Variants in PPFIA2 observed in about 807,000 individuals in gnomAD.
PPFIA2 encodes the protein PPFI scaffold protein A2.
In PPFIA2, 46 loss-of-function variants were observed where a neutral mutation model predicts 175.5. The ratio of observed to expected loss-of-function variants is 0.26; its 90% CI spans 0.21 to 0.34. The LOEUF is 0.34. Ranked by LOEUF, PPFIA2 falls within the 10% of genes least tolerant of loss-of-function variation. The pLI is 1.00. For synonymous variants in PPFIA2, 568 were observed against 511.4 expected (o/e 1.11, Z -1.49); for missense variants, 1,179 against 1,506.1 (o/e 0.78, Z 3.60).
intron 7 of PPFIA2, chr12:81,431,542 T>A (rs1287968685): frequency 6.6e-6 from 1 of 152,208 alleles, no homozygotes; most frequent in South Asian, 2.1e-4. Context: ...TATATTTATT[T>A]ACAATATTTT....
chr12:81,497,937 A>G (rs1237561990), intron 4 of PPFIA2, among the ~76,000 whole-genome samples: 1 of 152,044 alleles, frequency 6.6e-6, no homozygotes, highest in Admixed American at 6.6e-5. Context: ...TTCCTTTTCC[A>G]TAATTTTTCC....
intron 21 of PPFIA2, among the ~76,000 whole-genome samples, chr12:81,327,428 T>C (rs1203881502): frequency 2.0e-5 from 3 of 152,122 alleles, no homozygotes; most frequent in African/African-American, 7.2e-5. Flanking sequence ...GTACAGTGAG[T>C]GCATATTTTC....
chr12:81,384,747 G>GAA lies in PPFIA2; in HGVS notation c.763-504_763-503insTT, dbSNP rs767390572. On this transcript the variant is annotated intron_variant, in intron 8 of 32. Coordinates refer to ENST00000549396, the MANE Select transcript of PPFIA2 (RefSeq NM_003625.5). ...AACTTACCAAATATTTTTTATCAAAGATTATTCCTGCTGTGAATCTGACCT... is the reference window on the plus strand; with the variant it reads ...AACTTACCAAATATTTTTTATCAAAGAAATTATTCCTGCTGTGAATCTGACCT... Among the ~76,000 whole-genome samples, 18 of 152,138 alleles carry GAA rather than the reference G, an allele frequency of 1.2e-4. No homozygotes were observed. In the South Asian group the frequency reaches 1.7e-3, roughly 14 times the overall value.
At chr12:81,729,271 G>A (rs997646072) in intron 3 of PPFIA2, among the ~76,000 whole-genome samples, 6 of 151,402 alleles carry the variant, frequency 4.0e-5, no homozygotes, top group African/African-American at 1.2e-4. Flanking sequence ...TTAGCACTTA[G>A]AAGGCACACT....
At chr12:81,306,320 C>A (rs2049139225) in intron 22 of PPFIA2, among the ~76,000 whole-genome samples, 1 of 152,030 alleles carries the variant, frequency 6.6e-6, no homozygotes, top group Non-Finnish European at 1.5e-5. Context: ...TTTGCCTGTC[C>A]TTTTGGGCTG....
intron 4 of PPFIA2, among the ~76,000 whole-genome samples, chr12:81,464,794 A>C (rs1163295588): frequency 6.6e-6 from 1 of 151,580 alleles, no homozygotes; most frequent in African/African-American, 2.4e-5. Flanking sequence ...CGGGCTACCC[A>C]TTCTCAGACA....
At chr12:81,395,374 G>A (rs2040929352) in intron 8 of PPFIA2, among the ~76,000 whole-genome samples, 2 of 151,866 alleles carry the variant, frequency 1.3e-5, no homozygotes, top group South Asian at 2.1e-4. Context: ...TACAATAGAG[G>A]CAATAACTTC....
intron 4 of PPFIA2, among the ~76,000 whole-genome samples, chr12:81,619,897 C>T (rs1030982862): frequency 3.9e-5 from 6 of 152,084 alleles, no homozygotes; most frequent in African/African-American, 7.2e-5. Flanking sequence ...CGGTGGCTCA[C>T]GCCTGTAATC....
At chr12:81,662,020 T>C (rs1018633593) in intron 4 of PPFIA2, among the ~76,000 whole-genome samples, 6 of 151,894 alleles carry the variant, frequency 4.0e-5, no homozygotes, top group African/African-American at 9.7e-5. Context: ...AGACACAACA[T>C]ACCAGAATCT....
At chr12:81,463,833 T>C (rs1566937251) in intron 4 of PPFIA2, among the ~76,000 whole-genome samples, 1 of 152,130 alleles carries the variant, frequency 6.6e-6, no homozygotes, top group Non-Finnish European at 1.5e-5. Context: ...TGTAAAGCAA[T>C]AGTTTCTTTA....
rs188809050 is a variant in PPFIA2, at chr12:81,328,444, A to C, written c.2549-2574T>G. The stretch of plus-strand genomic sequence containing the variant: ...GGTAGAAAAATACATGTAATTCATA[A>C]ATTTTAAGTGATCATGTGTTAAAAT... On this transcript the variant is annotated intron_variant, in intron 21 of 32. Transcript: ENST00000549396. Among the ~76,000 whole-genome samples, 175 of 152,338 alleles carry C rather than the reference A, an allele frequency of 1.1e-3. 1 individual carries two copies. Among genetic ancestry groups the C allele is most frequent in the South Asian group, 2.3e-3 (11 of 4,826 alleles).
chr12:81,491,833 G>C (rs974462910), intron 4 of PPFIA2, among the ~76,000 whole-genome samples: 1 of 151,950 alleles, frequency 6.6e-6, no homozygotes, highest in African/African-American at 2.4e-5. Flanking sequence ...AAACCAAAAT[G>C]TCTAATACTT....
chr12:81,628,518 T>C (rs7311492), intron 4 of PPFIA2, among the ~76,000 whole-genome samples: 9,494 of 151,698 alleles, frequency 0.063, 406 homozygotes, highest in East Asian at 0.25. Context: ...CTGGGACTAC[T>C]GGCATGCACC....
chr12:81,363,373 C>G (rs1198968585), intron 14 of PPFIA2, among the ~76,000 whole-genome samples: 1 of 151,320 alleles, frequency 6.6e-6, no homozygotes, highest in Non-Finnish European at 1.5e-5. Flanking sequence ...AGTTAATAAC[C>G]AATTAGCTTG....
chr12:81,658,336 TTAAAG>T (rs1196430351), intron 4 of PPFIA2, among the ~76,000 whole-genome samples: 3 of 151,726 alleles, frequency 2.0e-5, no homozygotes, highest in African/African-American at 7.3e-5. Context: ...GTGCAAAAAT[TTAAAG>T]TAAAGGGTCA....
At chr12:81,529,537 A>T (rs1413778205) in intron 4 of PPFIA2, among the ~76,000 whole-genome samples, 1 of 146,834 alleles carries the variant, frequency 6.8e-6, no homozygotes, top group African/African-American at 2.6e-5. Context: ...ACACACACAA[A>T]GAGTGGCGGG....
At chr12:81,273,138 T>C (rs2039584724) in intron 28 of PPFIA2, among the ~76,000 whole-genome samples, 1 of 152,170 alleles carries the variant, frequency 6.6e-6, no homozygotes, top group African/African-American at 2.4e-5. Flanking sequence ...TTTATTACCC[T>C]TTGGCTTCAG....
chr12:81,532,046 C>G (rs2064649028), intron 4 of PPFIA2, among the ~76,000 whole-genome samples: 1 of 151,754 alleles, frequency 6.6e-6, no homozygotes, highest in Non-Finnish European at 1.5e-5. Context: ...GGCTGCAACC[C>G]CAAACCACAA....
chr12:81,347,127 T>TTTTC (rs1491237540), intron 18 of PPFIA2, among the ~76,000 whole-genome samples: 1 of 63,498 alleles, frequency 1.6e-5, no homozygotes, highest in African/African-American at 1.6e-4. Flanking sequence ...TTTTCTTTTC[T>TTTTC]TTTTTTTTGA....
Sources: allele counts gnomAD v4.1 joint callset (sites outside exome capture counted in the v4.1 genomes callset), GRCh38; gene constraint gnomAD v4.1.1; transcripts MANE v1.5; gene names NCBI Gene and HGNC (gene_info 2026-07-23, HGNC 2026-07-21).